Variants in PCDH11X observed in about 807,000 individuals in gnomAD.
The protein encoded by PCDH11X is protocadherin-11 X-linked.
PCDH11X carries 18 observed loss-of-function variants against 53.3 expected under a neutral mutation model. The ratio of observed to expected loss-of-function variants is 0.34; its 90% CI spans 0.23 to 0.50. The LOEUF (loss-of-function observed/expected upper bound fraction) is 0.50, where lower values mean the gene tolerates loss of function less well. Among genes scored for constraint, PCDH11X ranks in the 20% least tolerant of loss-of-function variants. The pLI, the probability that PCDH11X is intolerant of heterozygous loss-of-function variation, is 0.98. For synonymous variants in PCDH11X, 279 were observed against 393.3 expected, an observed-to-expected ratio of 0.71 and a Z score of 3.44; for missense variants, 570 against 1,032.4, an observed-to-expected ratio of 0.55 and a Z score of 6.14.
intron 6 of PCDH11X, among the ~76,000 whole-genome samples, chrX:92,083,672 A>T (rs1270846992): frequency 2.7e-5 from 3 of 111,715 alleles, no homozygotes; most frequent in Non-Finnish European, 5.6e-5. Flanking sequence ...GTGTTTTACC[A>T]TCATTTTGGG....
chrX:92,085,481 C>CAAAA (rs60792159), intron 6 of PCDH11X, among the ~76,000 whole-genome samples: 11 of 68,583 alleles, frequency 1.6e-4, no homozygotes, highest in African/African-American at 4.9e-4. Context: ...AATTTGGTTG[C>CAAAA]AAAAAAAAAA....
intron 6 of PCDH11X, among the ~76,000 whole-genome samples, chrX:92,037,873 C>A (rs1335532621): frequency 1.9e-5 from 2 of 103,913 alleles, no homozygotes; most frequent in East Asian, 6.0e-4. Context: ...ATATCATTTG[C>A]CCCCTTTTTG....
At chrX:91,900,217 T>G (rs749267239) in intron 6 of PCDH11X, among the ~76,000 whole-genome samples, 1 of 111,185 alleles carries the variant, frequency 9.0e-6, no homozygotes, top group East Asian at 2.8e-4. Flanking sequence ...CTTAGCCTGT[T>G]GACTTAGAGG....
At chrX:92,152,723 T>C (rs781549887) in intron 6 of PCDH11X, among the ~76,000 whole-genome samples, 1 of 111,227 alleles carries the variant, frequency 9.0e-6, no homozygotes, top group Non-Finnish European at 1.9e-5. Context: ...AATTTAAAAA[T>C]TTAAAAAATA....
At chrX:92,191,901 C>G (rs1328962547) in intron 6 of PCDH11X, among the ~76,000 whole-genome samples, 1 of 111,763 alleles carries the variant, frequency 8.9e-6, no homozygotes, top group African/African-American at 3.2e-5. Context: ...ACATACAGGA[C>G]AGCAACCTCC....
intron 9 of PCDH11X, chrX:92,459,555 A>T (rs2072986400): frequency 5.0e-6 from 2 of 403,879 alleles, no homozygotes; most frequent in South Asian, 4.5e-5. Flanking sequence ...ATAGCTAAAA[A>T]TAAAACAAAG....
chrX:92,075,467 T>G (rs2063760324), intron 6 of PCDH11X, among the ~76,000 whole-genome samples: 1 of 110,696 alleles, frequency 9.0e-6, no homozygotes, highest in African/African-American at 3.3e-5. Context: ...CCTGAGCAAA[T>G]ACCTAGTATG....
chrX:92,577,079 C>G lies in PCDH11X; in HGVS notation c.3368-41185C>G, dbSNP rs186207919. On this transcript the variant is annotated intron_variant, in intron 10 of 10. Coordinates refer to ENST00000682573, the MANE Select transcript of PCDH11X (RefSeq NM_032968.5). Reference sequence around the variant, plus strand: ...CTCATAGAATTAGTTGGGGAGTTGTCCCTCCTTTTCCATGGTTTGGAATAG... The same window carrying G: ...CTCATAGAATTAGTTGGGGAGTTGTGCCTCCTTTTCCATGGTTTGGAATAG... 4.8e-3 allele frequency among the ~76,000 whole-genome samples: 514 copies of G among 107,979 alleles called. 2 individuals are homozygous for G. Among genetic ancestry groups the G allele is most frequent in the Non-Finnish European group, 7.3e-3 (377 of 51,916 alleles). 93.8% of individuals were successfully genotyped at this position (107,979 alleles called of 115,157 possible).
intron 6 of PCDH11X, among the ~76,000 whole-genome samples, chrX:91,917,202 A>C (rs1436987169): frequency 9.2e-6 from 1 of 109,038 alleles, no homozygotes; most frequent in East Asian, 2.9e-4. Flanking sequence ...CATAGCCAGC[A>C]TTATGCTAAA....
chrX:92,114,055 C>A, intron 6 of PCDH11X: 3 of 1,185,717 alleles, frequency 2.5e-6, no homozygotes, highest in Non-Finnish European at 3.4e-6. Context: ...ATTGGTGCCC[C>A]TGATACAGGC....
At chrX:91,898,393 G>A (rs1409762874) in intron 6 of PCDH11X, among the ~76,000 whole-genome samples, 1 of 109,484 alleles carries the variant, frequency 9.1e-6, no homozygotes, top group East Asian at 2.9e-4. Flanking sequence ...TAGGAATGTT[G>A]CTTCCTAAAC....
At chrX:92,199,380 T>A (rs758041960) in intron 6 of PCDH11X, among the ~76,000 whole-genome samples, 1 of 112,319 alleles carries the variant, frequency 8.9e-6, no homozygotes, top group African/African-American at 3.2e-5. Context: ...TAAAGCATTT[T>A]ACTCTTTTCT....
chrX:92,561,937 G>A (rs772549404), intron 10 of PCDH11X, among the ~76,000 whole-genome samples: 11 of 108,172 alleles, frequency 1.0e-4, no homozygotes, highest in Middle Eastern at 4.8e-3. Context: ...ACATAAAATA[G>A]AGCTCTGTAT....
At chrX:92,434,002 C>T (rs927345651) in intron 9 of PCDH11X, among the ~76,000 whole-genome samples, 1 of 110,058 alleles carries the variant, frequency 9.1e-6, no homozygotes, top group African/African-American at 3.3e-5. Context: ...TACTTGGGAT[C>T]CAAGGGGGAT....
intron 6 of PCDH11X, among the ~76,000 whole-genome samples, chrX:92,140,912 C>G (rs1381879276): frequency 9.0e-6 from 1 of 111,390 alleles, no homozygotes; most frequent in African/African-American, 3.3e-5. Context: ...TTCATAGTTA[C>G]AGATAAAAGT....
chrX:92,259,281 A>G (rs1304824711), intron 7 of PCDH11X, among the ~76,000 whole-genome samples: 3 of 111,155 alleles, frequency 2.7e-5, no homozygotes, highest in East Asian at 2.8e-4. Context: ...GCATTGCTAT[A>G]AATAAATATC....
At chrX:91,908,564 G>T (rs1252035168) in intron 6 of PCDH11X, among the ~76,000 whole-genome samples, 2 of 111,214 alleles carry the variant, frequency 1.8e-5, no homozygotes. Context: ...AGCACTCTGG[G>T]AGGCCGAGGC....
At chrX:92,415,059 C>T (rs928376588) in intron 9 of PCDH11X, among the ~76,000 whole-genome samples, 34 of 111,184 alleles carry the variant, frequency 3.1e-4, no homozygotes, top group African/African-American at 1.1e-3. Context: ...TCTTTGCAAG[C>T]ATGGGGATTT....
chrX:92,538,934 T>C (rs2148734897), intron 10 of PCDH11X, among the ~76,000 whole-genome samples: 1 of 80,458 alleles, frequency 1.2e-5, no homozygotes, highest in Non-Finnish European at 2.4e-5. Flanking sequence ...AAGAACACCG[T>C]TTAGCATTTC....
Sources: allele counts gnomAD v4.1 joint callset (sites outside exome capture counted in the v4.1 genomes callset), GRCh38; gene constraint gnomAD v4.1.1; transcripts MANE v1.5; gene names NCBI Gene and HGNC (gene_info 2026-07-23, HGNC 2026-07-21).